Variants in CSTF3 observed in about 807,000 individuals in gnomAD.
CSTF3 encodes the protein CF-1 77 kDa subunit.
A neutral mutation model predicts 105.8 loss-of-function variants in CSTF3; 29 were observed. The ratio of observed to expected loss-of-function variants is 0.27; its 90% CI spans 0.20 to 0.37. The LOEUF (loss-of-function observed/expected upper bound fraction) is 0.37. Among genes scored for constraint, CSTF3 ranks in the 10% least tolerant of loss-of-function variants. The probability of loss-of-function intolerance (pLI) is 1.00; values close to 1 mark genes in which losing one functional copy is unlikely to be tolerated. For synonymous variants in CSTF3, 252 were observed against 281.9 expected, an observed-to-expected ratio of 0.89 and a Z score of 1.06; for missense variants, 357 against 879.3, an observed-to-expected ratio of 0.41 and a Z score of 7.51.
intron 1 of CSTF3, among the ~76,000 whole-genome samples, chr11:33,153,181 T>C (rs1590289835): frequency 1.3e-5 from 2 of 152,238 alleles, no homozygotes; most frequent in African/African-American, 4.8e-5. Flanking sequence ...TCTGGCTGAA[T>C]AGAAGACATT....
chr11:33,094,223 T>C (rs1229843065), intron 15 of CSTF3, among the ~76,000 whole-genome samples: 1 of 152,216 alleles, frequency 6.6e-6, no homozygotes, highest in Non-Finnish European at 1.5e-5. Context: ...GTGAAACACA[T>C]GCAAAAACTC....
intron 3 of CSTF3, among the ~76,000 whole-genome samples, chr11:33,123,720 T>C (rs113567238): frequency 4.6e-5 from 7 of 152,128 alleles, no homozygotes; most frequent in African/African-American, 1.4e-4. Context: ...CAAAATGTAA[T>C]AGATATTTAT....
At chr11:33,112,122 C>T (rs1358391236) in intron 3 of CSTF3, among the ~76,000 whole-genome samples, 2 of 151,968 alleles carry the variant, frequency 1.3e-5, no homozygotes, top group Non-Finnish European at 1.5e-5. Flanking sequence ...GGCATGGTGG[C>T]GCACACTTGT....
intron 3 of CSTF3, among the ~76,000 whole-genome samples, chr11:33,132,805 T>C (rs544558073): frequency 6.6e-6 from 1 of 152,330 alleles, no homozygotes; most frequent in East Asian, 1.9e-4. Flanking sequence ...GTCTAGATGA[T>C]CTTTTTGACT....
intron 3 of CSTF3, among the ~76,000 whole-genome samples, chr11:33,110,994 GC>G: frequency 6.6e-6 from 1 of 152,304 alleles, no homozygotes; most frequent in Non-Finnish European, 1.5e-5. Flanking sequence ...ACTTTGGGAG[GC>G]CAAGGTGGGC....
rs527799566 is a variant in CSTF3 at position 33,090,275 on chromosome 11, T to G, written c.1641+257A>C. 3.0e-4 allele frequency among the ~76,000 whole-genome samples: 45 copies of G among 152,336 alleles called. 1 individual carries two copies. In the South Asian group the frequency reaches 9.1e-3, roughly 31 times the overall value. On this transcript the variant is annotated intron_variant, in intron 17 of 20. Transcript: ENST00000323959. ...CACTCCCTCCATCTTGCCCACCAGA[T>G]ATAAGATATAAGGCACTGACAATTT...
chr11:33,108,285 A>C, intron 4 of CSTF3, 101 bp downstream of exon 4: 1 of 1,081,400 alleles, frequency 9.2e-7, no homozygotes, highest in Non-Finnish European at 1.2e-6. Flanking sequence ...AAAAATCACT[A>C]TCTAGATTCA....
intron 3 of CSTF3, among the ~76,000 whole-genome samples, chr11:33,115,927 T>C (rs1855426652): frequency 6.6e-6 from 1 of 152,148 alleles, no homozygotes; most frequent in Non-Finnish European, 1.5e-5. Flanking sequence ...ATTAAAAATA[T>C]AAATATGTAC....
rs1855476022 is a variant in CSTF3, at chr11:33,120,574, G to GT, written c.226-12157dup. Reference sequence around the variant, plus strand: ...AAATATTATTTGTGCATGTATTTAGGTTAAGTGTATTTTCTCAGTAGTCCA... The same window carrying GT: ...AAATATTATTTGTGCATGTATTTAGGTTTAAGTGTATTTTCTCAGTAGTCCA... On this transcript the variant is annotated intron_variant, in intron 3 of 20. Coordinates refer to ENST00000323959, the MANE Select transcript of CSTF3 (RefSeq NM_001326.3). Among the ~76,000 whole-genome samples the GT allele has an allele frequency of 2.0e-5, 3 of 151,640 alleles. No homozygotes were observed. The South Asian group carries it at 6.2e-4, about 31-fold the overall frequency.
intron 1 of CSTF3, among the ~76,000 whole-genome samples, chr11:33,150,459 G>A (rs935202117): frequency 1.3e-5 from 2 of 152,088 alleles, no homozygotes; most frequent in Non-Finnish European, 1.5e-5. Flanking sequence ...CAAATCAAAG[G>A]AGTAGAGCAA....
chr11:33,084,985 T>C lies in CSTF3; in HGVS notation c.*102A>G, dbSNP rs565947454. 7.8e-7 allele frequency: 1 copy of C among 1,283,134 alleles called. No homozygotes were observed. Among genetic ancestry groups the C allele is most frequent in the South Asian group, 1.2e-5 (1 of 80,712 alleles). The allele number at this position is 1,283,134 out of a possible 1,614,324, so 79.5% of individuals were successfully genotyped here. A position where few individuals can be genotyped will look rare whatever the true frequency, so the allele number is the denominator to read the frequency against. ...TAGAGGCACCAATGACAATACAACT[T>C]TGTTTCCAAGAACCTTGTAACAAAG... On this transcript the variant is annotated 3_prime_UTR_variant, in exon 21 of 21. Coordinates refer to ENST00000323959, the MANE Select transcript of CSTF3 (RefSeq NM_001326.3).
chr11:33,085,362 C>CTCTATAG (rs1855094094), intron 20 of CSTF3, 73 bp from the exon 21 acceptor site: 30 of 1,207,294 alleles, frequency 2.5e-5, no homozygotes, highest in Non-Finnish European at 3.3e-5. Context: ...ACTGTGGATA[C>CTCTATAG]TTTATTTCAT....
At chr11:33,137,083 G>A (rs1855662969) in intron 3 of CSTF3, among the ~76,000 whole-genome samples, 1 of 151,776 alleles carries the variant, frequency 6.6e-6, no homozygotes, top group African/African-American at 2.4e-5. Context: ...CCAAAGAATA[G>A]AATATAAAGA....
intron 18 of CSTF3, among the ~76,000 whole-genome samples, chr11:33,086,718 G>A (rs1470697906): frequency 6.6e-6 from 1 of 152,194 alleles, no homozygotes; most frequent in Non-Finnish European, 1.5e-5. Flanking sequence ...GATTATAAGT[G>A]TAAACCACTG....
At position 33,107,187 on chromosome 11, in the gene CSTF3, C is replaced by T. The variant is rs373471157; in HGVS notation, c.356+716G>A. 8.6e-5 allele frequency among the ~76,000 whole-genome samples: 13 copies of T among 152,022 alleles called. No individual in the cohort carries two copies. In the East Asian group the frequency reaches 2.1e-3, roughly 25 times the overall value. On this transcript the variant is annotated intron_variant, in intron 5 of 20. Coordinates refer to ENST00000323959, the MANE Select transcript of CSTF3 (RefSeq NM_001326.3). Reference sequence around the variant, plus strand: ...AAAAAATCAGCCAGGTGTGGTGGCTCTTGCCTGTAGTCCCATCTACTTGGA... The same window carrying T: ...AAAAAATCAGCCAGGTGTGGTGGCTTTTGCCTGTAGTCCCATCTACTTGGA...
chr11:33,144,003 T>C (rs1456241717), intron 1 of CSTF3, among the ~76,000 whole-genome samples: 1 of 152,050 alleles, frequency 6.6e-6, no homozygotes, highest in East Asian at 1.9e-4. Context: ...AAAGTTAATT[T>C]ATATGAAGTT....
chr11:33,103,035 C>T, intron 9 of CSTF3, 72 bp downstream of exon 9: 1 of 979,882 alleles, frequency 1.0e-6, no homozygotes, highest in Non-Finnish European at 1.5e-6. Context: ...AGAGTAATAC[C>T]AGACAGGGAA....
chr11:33,125,931 T>G (rs1487900353), intron 3 of CSTF3, among the ~76,000 whole-genome samples: 1 of 152,202 alleles, frequency 6.6e-6, no homozygotes, highest in Non-Finnish European at 1.5e-5. Flanking sequence ...TAATAAGACA[T>G]TCTTAAAATT....
chr11:33,150,205 ACT>A (rs1277664933), intron 1 of CSTF3, among the ~76,000 whole-genome samples: 19 of 139,666 alleles, frequency 1.4e-4, no homozygotes, highest in Admixed American at 3.0e-4. Context: ...ACAGATGGAG[ACT>A]CTGTCTCAAA....
Sources: allele counts gnomAD v4.1 joint callset (sites outside exome capture counted in the v4.1 genomes callset), GRCh38; gene constraint gnomAD v4.1.1; transcripts MANE v1.5; gene names NCBI Gene and HGNC (gene_info 2026-07-23, HGNC 2026-07-21).